MACROD1: variants seen among roughly 807,000 people sequenced by gnomAD.
MACROD1 encodes the protein mono-ADP ribosylhydrolase 1.
Under a neutral mutation model 41.4 loss-of-function variants are expected in MACROD1, and 31 were observed. The ratio of observed to expected loss-of-function variants is 0.75; its 90% CI spans 0.56 to 1.01. MACROD1 has a LOEUF of 1.01. Ranked by LOEUF, MACROD1 falls within the 50% of genes least tolerant of loss-of-function variation. MACROD1 has a pLI of 0.00. For missense variants in MACROD1, 473 were observed against 460.0 expected, an observed-to-expected ratio of 1.03 and a Z score of -0.26; for synonymous variants, 252 against 203.4, an observed-to-expected ratio of 1.24 and a Z score of -2.03.
In MACROD1 at chr11:64,047,081, C is replaced by T. The variant is rs990702054; in HGVS notation, c.518-31800G>A. 2.6e-5 allele frequency among the ~76,000 whole-genome samples: 4 copies of T among 152,060 alleles called. No individual in the cohort carries two copies. The South Asian group carries it at 6.2e-4, about 24-fold the overall frequency. On this transcript the variant is annotated intron_variant, in intron 3 of 10. Transcript: ENST00000255681. ...CATGCTCACACCTCTGAGCCTTCGA[C>T]GTGCTGTTCCCTGTGTCTGGAAGGC...
chr11:64,113,823 CATGGATGG>C (rs138768566), intron 3 of MACROD1, among the ~76,000 whole-genome samples: 17 of 113,876 alleles, frequency 1.5e-4, no homozygotes, highest in African/African-American at 1.7e-4. Context: ...CAGGTGGACG[CATGGATGG>C]ATGGATGGAT....
At chr11:64,034,090 G>T (rs1025342686) in intron 3 of MACROD1, among the ~76,000 whole-genome samples, 1 of 152,204 alleles carries the variant, frequency 6.6e-6, no homozygotes, top group African/African-American at 2.4e-5. Context: ...GTGTGGGGGT[G>T]GCAGGGATAG....
intron 5 of MACROD1, 195 bp downstream of exon 5, chr11:64,000,029 ATCC>A (rs1388895602): frequency 9.5e-6 from 6 of 630,536 alleles, no homozygotes; most frequent in South Asian, 2.0e-5. Context: ...CCCCAGCTCC[ATCC>A]TCAGCCTCCA....
At chr11:64,018,904 G>T (rs1943116982) in intron 3 of MACROD1, among the ~76,000 whole-genome samples, 3 of 152,212 alleles carry the variant, frequency 2.0e-5, no homozygotes, top group Non-Finnish European at 4.4e-5. Context: ...GCGGGCAGTG[G>T]CTGTGTGAGG....
At chr11:64,087,393 G>T (rs76766582) in intron 3 of MACROD1, among the ~76,000 whole-genome samples, 1 of 152,130 alleles carries the variant, frequency 6.6e-6, no homozygotes, top group Admixed American at 6.5e-5. Context: ...ACCACAGGCC[G>T]GTTGTCCCCA....
chr11:64,066,792 C>T (rs1397065908), intron 3 of MACROD1, among the ~76,000 whole-genome samples: 1 of 152,212 alleles, frequency 6.6e-6, no homozygotes, highest in Non-Finnish European at 1.5e-5. Flanking sequence ...ATCCTAACAA[C>T]TATCCTACGA....
In MACROD1 at chr11:64,036,964, A is replaced by T. The variant is rs1463352600; in HGVS notation, c.518-21683T>A. Among the ~76,000 whole-genome samples, 4 of 152,220 alleles carry T rather than the reference A, an allele frequency of 2.6e-5. No homozygotes were observed. The South Asian group carries it at 6.2e-4, about 24-fold the overall frequency. On this transcript the variant is annotated intron_variant, in intron 3 of 10. Coordinates refer to ENST00000255681, the MANE Select transcript of MACROD1 (RefSeq NM_014067.4). This position sits in a 1 kb window ranked among gnomAD's most constrained non-coding sequence, Gnocchi z 5.6. ...GGTTGATCAGAGCTCCCCGAGGAGG[A>T]GAAAGTTGTGGAACAGGGACACCAG...
At chr11:64,101,264 A>T (rs1590909106) in intron 3 of MACROD1, among the ~76,000 whole-genome samples, 2 of 151,898 alleles carry the variant, frequency 1.3e-5, no homozygotes, top group African/African-American at 4.8e-5. Flanking sequence ...TGGGCTGGGC[A>T]GGGCCCTTGG....
chr11:64,088,871 G>T (rs1166051427), intron 3 of MACROD1, among the ~76,000 whole-genome samples: 2 of 152,188 alleles, frequency 1.3e-5, no homozygotes, highest in Non-Finnish European at 2.9e-5. Flanking sequence ...ATCGCAGGCG[G>T]AATCGGGTGT....
intron 3 of MACROD1, among the ~76,000 whole-genome samples, chr11:64,020,021 G>A (rs1389399334): frequency 6.6e-6 from 1 of 152,104 alleles, no homozygotes; most frequent in Non-Finnish European, 1.5e-5. Context: ...ACGTGCTTAG[G>A]GCCCATGACA....
chr11:64,000,541 G>C (rs1590787067), intron 4 of MACROD1, among the ~76,000 whole-genome samples, 198 bp from the exon 5 acceptor site: 1 of 151,632 alleles, frequency 6.6e-6, no homozygotes, highest in Non-Finnish European at 1.5e-5. Context: ...GGCGCAGAGC[G>C]GGACGGCCCT....
intron 3 of MACROD1, among the ~76,000 whole-genome samples, chr11:64,020,988 A>C (rs1473118008): frequency 6.6e-6 from 1 of 152,024 alleles, no homozygotes; most frequent in Non-Finnish European, 1.5e-5. Flanking sequence ...AAGCGCTAGG[A>C]TTACAGGTGT....
intron 4 of MACROD1, among the ~76,000 whole-genome samples, chr11:64,007,284 G>A (rs1317853975): frequency 3.3e-5 from 5 of 152,208 alleles, no homozygotes; most frequent in African/African-American, 7.2e-5. Flanking sequence ...GCGGCTCTAA[G>A]TTGTGGGCGT....
At chr11:64,031,980 T>C (rs1402287830) in intron 3 of MACROD1, among the ~76,000 whole-genome samples, 1 of 152,186 alleles carries the variant, frequency 6.6e-6, no homozygotes, top group African/African-American at 2.4e-5. Context: ...GAGGCCAGGG[T>C]TGTGCCCTCT....
chr11:64,118,911 C>T (rs1488777211), intron 3 of MACROD1: 1 of 166,688 alleles, frequency 6.0e-6, no homozygotes, highest in Non-Finnish European at 1.5e-5. Flanking sequence ...ATTCTTTGAA[C>T]AATCATGTAG....
intron 3 of MACROD1, among the ~76,000 whole-genome samples, chr11:64,041,872 A>C (rs320133): frequency 0.084 from 12,814 of 152,216 alleles, 662 homozygotes; most frequent in African/African-American, 0.14. Context: ...GTTTCACCTC[A>C]AGGCTGAGGG....
chr11:64,133,412 C>T (rs920173669), intron 3 of MACROD1, among the ~76,000 whole-genome samples: 3 of 152,190 alleles, frequency 2.0e-5, no homozygotes, highest in Non-Finnish European at 2.9e-5. Flanking sequence ...CTCCTGCTGG[C>T]TGCCTTGCAT....
At chr11:64,165,194 C>A (rs1011565930) in intron 1 of MACROD1, among the ~76,000 whole-genome samples, 4 of 152,216 alleles carry the variant, frequency 2.6e-5, no homozygotes, top group Non-Finnish European at 5.9e-5. Context: ...AGGTTACGTG[C>A]CCCACCAGGT....
At chr11:64,008,094 T>A (rs504060) in intron 4 of MACROD1, among the ~76,000 whole-genome samples, 42,106 of 152,114 alleles carry the variant, frequency 0.28, 7,488 homozygotes, top group Non-Finnish European at 0.4. Context: ...AGTCGAGCGC[T>A]GAATACTTAG....
Sources: allele counts gnomAD v4.1 joint callset (sites outside exome capture counted in the v4.1 genomes callset), GRCh38; gene constraint gnomAD v4.1.1; non-coding constraint Gnocchi (gnomAD v3.1); transcripts MANE v1.5; gene names NCBI Gene and HGNC (gene_info 2026-07-23, HGNC 2026-07-21).